TMEM132B: variants seen among roughly 807,000 people sequenced by gnomAD.
TMEM132B encodes transmembrane protein 132B.
A neutral mutation model predicts 90.8 loss-of-function variants in TMEM132B; 18 were observed. The ratio of observed to expected loss-of-function variants is 0.20; its 90% CI spans 0.14 to 0.29. TMEM132B has a LOEUF of 0.29. Among genes scored for constraint, TMEM132B ranks in the 10% least tolerant of loss-of-function variants. TMEM132B has a pLI of 1.00. For synonymous variants in TMEM132B, 504 were observed against 523.3 expected, an observed-to-expected ratio of 0.96 and a Z score of 0.50; for missense variants, 1,096 against 1,326.8, an observed-to-expected ratio of 0.83 and a Z score of 2.70.
intron 1 of TMEM132B, among the ~76,000 whole-genome samples, chr12:125,198,227 T>C (rs1488853946): frequency 6.6e-6 from 1 of 152,260 alleles, no homozygotes; most frequent in Non-Finnish European, 1.5e-5. Context: ...GTCACTATTT[T>C]AGTCTGAATT....
At chr12:125,612,626 G>A (rs974006268) in intron 5 of TMEM132B, among the ~76,000 whole-genome samples, 11 of 139,752 alleles carry the variant, frequency 7.9e-5, no homozygotes, top group Admixed American at 5.1e-4. Flanking sequence ...AATGTTACTA[G>A]ACAACAGTAT....
At chr12:125,575,534 T>A (rs1231631327) in intron 4 of TMEM132B, among the ~76,000 whole-genome samples, 1 of 152,034 alleles carries the variant, frequency 6.6e-6, no homozygotes, top group East Asian at 1.9e-4. Context: ...TTCTTGGTGG[T>A]ATCCCTTGAA....
chr12:125,410,993 GGAGTGGAGTGGAGTGAGTGGAGTGGAGT>G, intron 2 of TMEM132B, among the ~76,000 whole-genome samples: 1 of 1,102 alleles, frequency 9.1e-4, no homozygotes, highest in Middle Eastern at 0.17. Flanking sequence ...TGGAGTGAGT[GGAGTGGAGTGGAGTGAGTGGAGTGGAGT>G]GAGTGGAGTG....
intron 5 of TMEM132B, among the ~76,000 whole-genome samples, chr12:125,620,747 A>C (rs1407671312): frequency 4.6e-5 from 7 of 152,234 alleles, no homozygotes; most frequent in African/African-American, 1.2e-4. Flanking sequence ...ATCCTTCTTC[A>C]CATGGTGGCA....
intron 5 of TMEM132B, among the ~76,000 whole-genome samples, chr12:125,606,422 A>G (rs1385631820): frequency 6.6e-6 from 1 of 151,846 alleles, no homozygotes; most frequent in Non-Finnish European, 1.5e-5. Flanking sequence ...ATATGTGTGC[A>G]CACATGAGCG....
At chr12:125,649,861 G>A (rs1213016249) in intron 6 of TMEM132B, among the ~76,000 whole-genome samples, 1 of 152,200 alleles carries the variant, frequency 6.6e-6, no homozygotes, top group Non-Finnish European at 1.5e-5. Context: ...GAGGTTAGAG[G>A]ATAACAGGTG....
intron 1 of TMEM132B, among the ~76,000 whole-genome samples, chr12:125,211,585 T>C (rs1426700402): frequency 6.6e-6 from 1 of 152,046 alleles, no homozygotes; most frequent in Non-Finnish European, 1.5e-5. Flanking sequence ...GAGGACTCAG[T>C]GAGGAGTAGG....
intron 1 of TMEM132B, among the ~76,000 whole-genome samples, chr12:125,267,606 T>C (rs923551111): frequency 6.6e-6 from 1 of 152,158 alleles, no homozygotes; most frequent in Non-Finnish European, 1.5e-5. Context: ...ACAGAAACAC[T>C]GCAGTTGGGA....
intron 6 of TMEM132B, among the ~76,000 whole-genome samples, chr12:125,649,609 G>A (rs978020732): frequency 6.6e-6 from 1 of 152,138 alleles, no homozygotes; most frequent in Non-Finnish European, 1.5e-5. Context: ...ATGGATGTCC[G>A]CTCTCATCAT....
intron 1 of TMEM132B, among the ~76,000 whole-genome samples, chr12:125,290,196 G>T (rs1483492694): frequency 1.3e-5 from 2 of 152,092 alleles, no homozygotes; most frequent in African/African-American, 4.8e-5. Context: ...ATTACGCATC[G>T]GAATTACCCA....
intron 3 of TMEM132B, among the ~76,000 whole-genome samples, chr12:125,515,215 C>T (rs1433573185): frequency 2.7e-5 from 4 of 147,890 alleles, no homozygotes; most frequent in African/African-American, 1.0e-4. Flanking sequence ...CAAACACACA[C>T]GTTCACACAT....
intron 1 of TMEM132B, among the ~76,000 whole-genome samples, chr12:125,281,963 G>GGTTGTT (rs1192580334): frequency 6.1e-5 from 9 of 147,498 alleles, no homozygotes; most frequent in African/African-American, 2.3e-4. Flanking sequence ...GGGAGGCGGA[G>GGTTGTT]GTTGCAGTGA....
At position 125,513,375 on chromosome 12, in the gene TMEM132B, C is replaced by T. The variant is rs112284066; in HGVS notation, c.1107-6064C>T. The stretch of plus-strand genomic sequence containing the variant: ...GTGTGCGTGTGAGAGACAGCGAGAG[C>T]GTGCGTGTGCGAGAGAGTATCAACA... On this transcript the variant is annotated intron_variant, in intron 3 of 8. Coordinates refer to ENST00000682704, the MANE Select transcript of TMEM132B (RefSeq NM_001366854.1). 4.1e-3 allele frequency among the ~76,000 whole-genome samples: 624 copies of T among 152,108 alleles called. 4 individuals are homozygous for T. The highest frequency in any genetic ancestry group is 0.014 in the African/African-American group (586 of 41,484).
chr12:125,481,769 A>C (rs1374296824), intron 3 of TMEM132B, among the ~76,000 whole-genome samples: 1 of 152,174 alleles, frequency 6.6e-6, no homozygotes, highest in Non-Finnish European at 1.5e-5. Context: ...GTTCATATGG[A>C]ACCAAAAAAG....
chr12:125,529,289 G>A (rs1018736415), intron 4 of TMEM132B, among the ~76,000 whole-genome samples: 1 of 152,052 alleles, frequency 6.6e-6, no homozygotes, highest in African/African-American at 2.4e-5. Context: ...TAGAGATGAG[G>A]TCTCACCATG....
chr12:125,552,834 A>G (rs980540226), intron 4 of TMEM132B, among the ~76,000 whole-genome samples: 15 of 152,244 alleles, frequency 9.9e-5, no homozygotes, highest in Non-Finnish European at 1.6e-4. Context: ...TCTGCAATGC[A>G]TGGGGAATAA....
At chr12:125,189,802 G>T (rs955180664) in intron 1 of TMEM132B, among the ~76,000 whole-genome samples, 2 of 152,144 alleles carry the variant, frequency 1.3e-5, no homozygotes, top group Non-Finnish European at 2.9e-5. Flanking sequence ...TTGTTGGCTG[G>T]GAGTCTGGGG....
At chr12:125,523,163 G>A (rs1002377116) in intron 4 of TMEM132B, among the ~76,000 whole-genome samples, 5 of 152,116 alleles carry the variant, frequency 3.3e-5, no homozygotes, top group Non-Finnish European at 5.9e-5. Context: ...CCTGTGCTGC[G>A]CTAACAAATT....
At chr12:125,219,775 C>A (rs1873517859) in intron 1 of TMEM132B, among the ~76,000 whole-genome samples, 1 of 152,216 alleles carries the variant, frequency 6.6e-6, no homozygotes, top group African/African-American at 2.4e-5. Context: ...CAATAACAAT[C>A]CCTTTCACAG....
Sources: gnomAD v4.1 joint callset for allele counts (sites outside exome capture counted in the v4.1 genomes callset) on GRCh38, gnomAD v4.1.1 for gene constraint, MANE v1.5 for transcripts, NCBI Gene and HGNC (gene_info 2026-07-23, HGNC 2026-07-21) for gene names.